TMEM164: variants seen among roughly 807,000 people sequenced by gnomAD.
TMEM164 encodes the protein transmembrane protein 164.
Under a neutral mutation model 18.8 loss-of-function variants are expected in TMEM164, and 4 were observed. That is an observed-to-expected ratio of 0.21 (90% CI 0.10 to 0.49). The LOEUF (loss-of-function observed/expected upper bound fraction) is 0.49. Among genes scored for constraint, TMEM164 ranks in the 20% least tolerant of loss-of-function variants. The pLI is 0.98. For synonymous variants in TMEM164, 86 were observed against 101.7 expected, an observed-to-expected ratio of 0.85 and a Z score of 0.93; for missense variants, 108 against 239.9, an observed-to-expected ratio of 0.45 and a Z score of 3.63.
intron 2 of TMEM164, among the ~76,000 whole-genome samples, chrX:110,017,115 C>G (rs1315066403): frequency 8.9e-6 from 1 of 111,922 alleles, no homozygotes; most frequent in Non-Finnish European, 1.9e-5. Flanking sequence ...TAATTTGTTT[C>G]TTTTTCATCC....
chrX:110,042,637 C>T (rs1008486145), intron 2 of TMEM164, among the ~76,000 whole-genome samples: 8 of 111,898 alleles, frequency 7.1e-5, no homozygotes, highest in Non-Finnish European at 1.5e-4. Flanking sequence ...TTTACATTCC[C>T]ACCAGTAATG....
chrX:110,151,231 ATCTATAGGATATAT>A (rs897062029), intron 5 of TMEM164, among the ~76,000 whole-genome samples: 12 of 112,372 alleles, frequency 1.1e-4, no homozygotes, highest in African/African-American at 3.9e-4. Context: ...GTGCAAGAAT[ATCTATAGGATATAT>A]TCCCAGAAGT....
intron 5 of TMEM164, among the ~76,000 whole-genome samples, chrX:110,168,698 C>T (rs972762212): frequency 2.7e-5 from 3 of 112,485 alleles, no homozygotes; most frequent in Non-Finnish European, 5.6e-5. Flanking sequence ...TGAAGAAAGT[C>T]TCCTTTCTCT....
At chrX:110,003,345 C>T (rs1932449095) in intron 1 of TMEM164, among the ~76,000 whole-genome samples, 156 bp from the exon 2 acceptor site, 1 of 111,893 alleles carries the variant, frequency 8.9e-6, no homozygotes, top group African/African-American at 3.2e-5. Context: ...CCCGCCCTGA[C>T]CCTTTCGGCC....
chrX:110,153,717 G>C (rs2066977239), intron 5 of TMEM164, among the ~76,000 whole-genome samples: 1 of 111,583 alleles, frequency 9.0e-6, no homozygotes, highest in South Asian at 3.8e-4. Context: ...TGTGGCCTAG[G>C]ATGGATTTGA....
intron 2 of TMEM164, among the ~76,000 whole-genome samples, chrX:110,034,763 A>ATGTTTAT (rs2147765433): frequency 9.6e-6 from 1 of 104,388 alleles, no homozygotes; most frequent in Non-Finnish European, 2.0e-5. Context: ...ATAAAGACAC[A>ATGTTTAT]TGCACACGTA....
intron 5 of TMEM164, among the ~76,000 whole-genome samples, chrX:110,165,513 C>T (rs1273797530): frequency 1.8e-5 from 2 of 112,263 alleles, no homozygotes; most frequent in Non-Finnish European, 3.8e-5. Flanking sequence ...CTTGACTTCT[C>T]ATGGATCTTT....
chrX:110,125,858 C>T (rs1230353592), intron 4 of TMEM164, among the ~76,000 whole-genome samples: 1 of 112,450 alleles, frequency 8.9e-6, no homozygotes, highest in Non-Finnish European at 1.9e-5. Context: ...CCAGATGTTT[C>T]ATTCTGTCTG....
At chrX:110,183,944 T>C (rs1214820454), downstream of TMEM164, among the ~76,000 whole-genome samples, 10 of 111,783 alleles carry the variant, frequency 8.9e-5, no homozygotes, top group Admixed American at 1.9e-4. Context: ...TCTAGGGCAA[T>C]GAGACTACTA....
intron 2 of TMEM164, among the ~76,000 whole-genome samples, chrX:110,032,119 TA>T (rs1018484390): frequency 1.8e-5 from 2 of 111,591 alleles, no homozygotes; most frequent in Non-Finnish European, 3.8e-5. Flanking sequence ...GAACTGGAAT[TA>T]AAAATGCCAA....
At chrX:110,117,748 C>T (rs1035332133) in intron 4 of TMEM164, among the ~76,000 whole-genome samples, 1 of 112,116 alleles carries the variant, frequency 8.9e-6, no homozygotes, top group African/African-American at 3.2e-5. Flanking sequence ...AATCATTTTA[C>T]CAGCTTTTAG....
chrX:110,041,730 G>A (rs1330792317), intron 2 of TMEM164, among the ~76,000 whole-genome samples: 1 of 111,861 alleles, frequency 8.9e-6, no homozygotes, highest in African/African-American at 3.3e-5. Context: ...AGGCATGTAA[G>A]TGTGACTTTT....
At chrX:110,110,185 G>T (rs887810718) in intron 4 of TMEM164, among the ~76,000 whole-genome samples, 2 of 110,875 alleles carry the variant, frequency 1.8e-5, no homozygotes, top group Non-Finnish European at 3.8e-5. Context: ...GCTATGCTTT[G>T]CTCCCTCTCC....
At chrX:110,157,971 C>T (rs749237296) in intron 5 of TMEM164, among the ~76,000 whole-genome samples, 1 of 111,534 alleles carries the variant, frequency 9.0e-6, no homozygotes, top group East Asian at 2.8e-4. Flanking sequence ...ACTGCAACCT[C>T]GACCTCCCGG....
chrX:110,152,576 G>T (rs2066958859), intron 5 of TMEM164, among the ~76,000 whole-genome samples: 1 of 111,321 alleles, frequency 9.0e-6, no homozygotes, highest in South Asian at 3.8e-4. Context: ...TTTATTTCCA[G>T]CTGGCTTCCC....
chrX:110,096,684 C>T (rs897018682), intron 3 of TMEM164, among the ~76,000 whole-genome samples: 4 of 112,234 alleles, frequency 3.6e-5, no homozygotes, highest in African/African-American at 1.3e-4. Flanking sequence ...TCATGGGCTG[C>T]ACCCACTGTC....
chrX:110,004,232 A>G (rs1932530518), intron 2 of TMEM164, 68 bp downstream of exon 2: 3 of 1,103,079 alleles, frequency 2.7e-6, no homozygotes, highest in South Asian at 2.1e-5. Flanking sequence ...AGGACACTCC[A>G]TAGTGTACAG....
In TMEM164 at chrX:110,167,594, G is replaced by A. The variant is rs750225516; in HGVS notation, c.587-3826G>A. On this transcript the variant is annotated intron_variant, in intron 5 of 6. Transcript: ENST00000372068. ...ATAGTGCAGGTGTAAATATCTTTGC[G>A]CAAATTAGGGTGGTTTGTTGGAGTT... Among the ~76,000 whole-genome samples, 4 of 111,491 alleles carry A rather than the reference G, an allele frequency of 3.6e-5. No homozygotes were observed. The South Asian group carries it at 1.1e-3, about 31-fold the overall frequency.
At chrX:110,066,163 G>A (rs946766901) in intron 2 of TMEM164, among the ~76,000 whole-genome samples, 1 of 111,115 alleles carries the variant, frequency 9.0e-6, no homozygotes, top group Non-Finnish European at 1.9e-5. Context: ...TTTCCTTATA[G>A]TGATTTTTCT....
Sources: gnomAD v4.1 joint callset for allele counts (sites outside exome capture counted in the v4.1 genomes callset) on GRCh38, gnomAD v4.1.1 for gene constraint, MANE v1.5 for transcripts, NCBI Gene and HGNC (gene_info 2026-07-23, HGNC 2026-07-21) for gene names.